Variants in PARD3B observed in about 807,000 individuals in gnomAD.
The protein encoded by PARD3B is par-3 family cell polarity regulator beta.
A neutral mutation model predicts 130.2 loss-of-function variants in PARD3B; 103 were observed. The ratio of observed to expected loss-of-function variants is 0.79; its 90% confidence interval spans 0.67 to 0.93. PARD3B has a LOEUF of 0.93. PARD3B is among the 40% of genes least tolerant of loss of function. PARD3B has a pLI of 0.00. For missense variants in PARD3B, 1,609 were observed against 1,499.2 expected, an observed-to-expected ratio of 1.07 and a Z score of -1.21; for synonymous variants, 583 against 553.2, an observed-to-expected ratio of 1.05 and a Z score of -0.76.
chr2:204,666,569 G>A (rs1448345116), intron 1 of PARD3B, among the ~76,000 whole-genome samples: 1 of 152,112 alleles, frequency 6.6e-6, no homozygotes, highest in Admixed American at 6.6e-5. Flanking sequence ...AGTTGTAAGA[G>A]TGAAGGGAAG....
At chr2:204,919,313 T>C (rs1006280612) in intron 2 of PARD3B, among the ~76,000 whole-genome samples, 3 of 152,206 alleles carry the variant, frequency 2.0e-5, no homozygotes, top group Non-Finnish European at 4.4e-5. Context: ...TGATGAGTTT[T>C]GACAATGTAT....
Position 205,079,771 on chromosome 2 carries a change from CA to C in PARD3B, c.505-24649del, listed in dbSNP as rs200536356. ...ATAAACCATAAATTTATATCTTAAC[CA>C]AAAAACATTTAATAAGATTATGCTA... On this transcript the variant is annotated intron_variant, in intron 4 of 22. Transcript: ENST00000406610. 2.4e-3 allele frequency among the ~76,000 whole-genome samples: 364 copies of C among 152,002 alleles called. 2 individuals are homozygous for C. Among genetic ancestry groups the C allele is most frequent in the African/African-American group, 8.1e-3 (335 of 41,492 alleles).
At chr2:204,760,876 A>G (rs1022148440) in intron 2 of PARD3B, among the ~76,000 whole-genome samples, 3 of 152,170 alleles carry the variant, frequency 2.0e-5, no homozygotes, top group African/African-American at 7.2e-5. Context: ...GAAGTTGTTC[A>G]CTTTCTATTT....
chr2:205,213,191 A>T lies in PARD3B; in HGVS notation c.2140+19871A>T, dbSNP rs1449381886. Among the ~76,000 whole-genome samples, 2 of 151,628 alleles carry T rather than the reference A, an allele frequency of 1.3e-5. 1 individual carries two copies. Among genetic ancestry groups the T allele is most frequent in the East Asian group, 3.9e-4 (2 of 5,176 alleles). On this transcript the variant is annotated intron_variant, in intron 15 of 22. Transcript: ENST00000406610. Reference sequence around the variant, plus strand: ...CTGTCTTTCATTCAGGACCCATTCAAATCTTGCCTTCTCTAGGGGACTGTC... The same window carrying T: ...CTGTCTTTCATTCAGGACCCATTCATATCTTGCCTTCTCTAGGGGACTGTC...
At chr2:205,557,083 T>C (rs2052923148) in intron 22 of PARD3B, among the ~76,000 whole-genome samples, 1 of 152,084 alleles carries the variant, frequency 6.6e-6, no homozygotes, top group East Asian at 1.9e-4. Context: ...CATCGGCGCA[T>C]GATATTGCTC....
intron 2 of PARD3B, among the ~76,000 whole-genome samples, chr2:204,787,048 A>G (rs372818135): frequency 2.6e-5 from 4 of 152,034 alleles, no homozygotes; most frequent in African/African-American, 7.3e-5. Flanking sequence ...AGCTTTTTAT[A>G]TGGCTTTATT....
chr2:205,219,740 T>G (rs2038138194), intron 15 of PARD3B, among the ~76,000 whole-genome samples: 1 of 152,190 alleles, frequency 6.6e-6, no homozygotes, highest in East Asian at 1.9e-4. Context: ...AGTTACTACG[T>G]CTTTATGGTT....
intron 4 of PARD3B, among the ~76,000 whole-genome samples, chr2:205,097,730 T>C (rs569924653): frequency 3.9e-5 from 6 of 152,276 alleles, no homozygotes; most frequent in Admixed American, 3.3e-4. Flanking sequence ...GGCATAGAAA[T>C]GAATAAAACA....
chr2:205,244,251 T>C lies in PARD3B; in HGVS notation c.2141-1527T>C, dbSNP rs2039475636. Among the ~76,000 whole-genome samples, 2 of 152,182 alleles carry C rather than the reference T, an allele frequency of 1.3e-5. No individual in the cohort carries two copies. Among genetic ancestry groups the C allele is most frequent in the Non-Finnish European group, 2.9e-5 (2 of 68,022 alleles). ...GCAGAGAAAAAAAGGGACATGTTAC[T>C]CTGAGATCAATCTAGTGTTAGGCGA... On this transcript the variant is annotated intron_variant, in intron 15 of 22. Coordinates refer to ENST00000406610, the MANE Select transcript of PARD3B (RefSeq NM_001302769.2). This position sits in a 1 kb window ranked among gnomAD's most constrained non-coding sequence, Gnocchi z 4.7.
chr2:205,123,935 A>G (rs2031071444), intron 8 of PARD3B, among the ~76,000 whole-genome samples: 1 of 152,220 alleles, frequency 6.6e-6, no homozygotes, highest in Admixed American at 6.5e-5. Context: ...TAGAGGGCTC[A>G]GCCATAGGTT....
At chr2:205,049,572 C>T (rs1013125492) in intron 4 of PARD3B, among the ~76,000 whole-genome samples, 10 of 152,088 alleles carry the variant, frequency 6.6e-5, no homozygotes, top group Non-Finnish European at 1.3e-4. Flanking sequence ...ATGTTTCTAT[C>T]ACTTAGGCTC....
At chr2:204,962,343 C>A (rs1690813879) in intron 2 of PARD3B, among the ~76,000 whole-genome samples, 1 of 152,118 alleles carries the variant, frequency 6.6e-6, no homozygotes, top group Admixed American at 6.5e-5. Context: ...TGGGTTACTG[C>A]AGCCCCTGAG....
intron 20 of PARD3B, among the ~76,000 whole-genome samples, chr2:205,454,231 T>C (rs531354631): frequency 1.3e-5 from 2 of 152,284 alleles, no homozygotes; most frequent in African/African-American, 4.8e-5. Context: ...ACCTTTTCAT[T>C]ATACAATCTT....
In PARD3B at chr2:205,110,763, G is replaced by A. The variant is rs370591882; in HGVS notation, c.594-2728G>A. Among the ~76,000 whole-genome samples, 40 of 149,390 alleles carry A rather than the reference G, an allele frequency of 2.7e-4. 2 individuals are homozygous for A. In the East Asian group the frequency reaches 3.9e-3, roughly 15 times the overall value. On this transcript the variant is annotated intron_variant, in intron 5 of 22. Coordinates refer to ENST00000406610, the MANE Select transcript of PARD3B (RefSeq NM_001302769.2). ...TAGCTTATTTTCTGGCTACTATACT[G>A]TCCTCTAAAACATAAACATAAATGT...
At chr2:205,227,875 C>T (rs2038642433) in intron 15 of PARD3B, among the ~76,000 whole-genome samples, 1 of 151,968 alleles carries the variant, frequency 6.6e-6, no homozygotes, top group Non-Finnish European at 1.5e-5. Context: ...TTTGAGGTTA[C>T]CATGAGGCTT....
chr2:204,680,323 G>C (rs566717718), intron 1 of PARD3B, among the ~76,000 whole-genome samples: 1 of 151,776 alleles, frequency 6.6e-6, no homozygotes, highest in Non-Finnish European at 1.5e-5. Context: ...CGAAGAATTC[G>C]TTCATTTTAT....
At chr2:204,937,628 A>G (rs569854280) in intron 2 of PARD3B, among the ~76,000 whole-genome samples, 2 of 152,270 alleles carry the variant, frequency 1.3e-5, no homozygotes, top group East Asian at 3.9e-4. Context: ...CTGACTATGT[A>G]TTACTGATTA....
chr2:204,687,868 G>A (rs7595278), intron 2 of PARD3B, among the ~76,000 whole-genome samples: 10,919 of 152,128 alleles, frequency 0.072, 489 homozygotes, highest in South Asian at 0.11. Context: ...TAGGAAGGAC[G>A]AGAAGAAAAT....
At chr2:205,052,419 GTATA>G (rs869192541) in intron 4 of PARD3B, among the ~76,000 whole-genome samples, 31 of 39,770 alleles carry the variant, frequency 7.8e-4, no homozygotes, top group Middle Eastern at 0.019. Context: ...ATATATATAT[GTATA>G]TATATATATA....
Sources: allele counts gnomAD v4.1 joint callset (sites outside exome capture counted in the v4.1 genomes callset), GRCh38; gene constraint gnomAD v4.1.1; non-coding constraint Gnocchi (gnomAD v3.1); transcripts MANE v1.5; gene names NCBI Gene and HGNC (gene_info 2026-07-23, HGNC 2026-07-21).